The following SGCG variants were observed in gnomAD, a reference collection of about 807,000 sequenced individuals.
SGCG encodes gamma-sarcoglycan.
A neutral mutation model predicts 29.3 loss-of-function variants in SGCG; 26 were observed. That is an observed-to-expected ratio of 0.89 (90% CI 0.65 to 1.23). The LOEUF is 1.23. Among genes scored for constraint, SGCG ranks in the 50% most tolerant of loss-of-function variants. The pLI is 0.00. For missense variants in SGCG, 353 were observed against 356.0 expected, an observed-to-expected ratio of 0.99 and a Z score of 0.07; for synonymous variants, 145 against 129.7, an observed-to-expected ratio of 1.12 and a Z score of -0.80.
intron 4 of SGCG, among the ~76,000 whole-genome samples, chr13:23,277,298 G>A (rs1253272655): frequency 6.6e-6 from 1 of 151,950 alleles, no homozygotes; most frequent in African/African-American, 2.4e-5. Flanking sequence ...ATGCAAATCA[G>A]TGTTTATATA....
chr13:23,210,870 A>G (rs1878172727), intron 2 of SGCG, among the ~76,000 whole-genome samples: 1 of 152,070 alleles, frequency 6.6e-6, no homozygotes, highest in Admixed American at 6.5e-5. Flanking sequence ...AGGAAAACCA[A>G]CTCAGAAGGT....
At chr13:23,275,364 A>C (rs1423189056) in intron 4 of SGCG, among the ~76,000 whole-genome samples, 1 of 151,944 alleles carries the variant, frequency 6.6e-6, no homozygotes, top group Admixed American at 6.6e-5. Flanking sequence ...AAAATACAAA[A>C]GTCAGCCGGG....
At chr13:23,202,187 G>A (rs1222793473) in intron 1 of SGCG, among the ~76,000 whole-genome samples, 1 of 152,168 alleles carries the variant, frequency 6.6e-6, no homozygotes, top group Non-Finnish European at 1.5e-5. Context: ...GCTCATATAG[G>A]GTCTTGTGGG....
At chr13:23,288,899 A>G (rs1881599132) in intron 5 of SGCG, among the ~76,000 whole-genome samples, 1 of 152,112 alleles carries the variant, frequency 6.6e-6, no homozygotes, top group Non-Finnish European at 1.5e-5. Flanking sequence ...TCCATTTCCC[A>G]CCACTAATAA....
At chr13:23,169,111 C>G in the SGCG span, among the ~76,000 whole-genome samples, 2 of 151,728 alleles carry the variant, frequency 1.3e-5, no homozygotes, top group Non-Finnish European at 2.9e-5. Context: ...TCCTCTCTTG[C>G]AAAACCTAGT....
chr13:23,187,775 T>A (rs1877050310), intron 1 of SGCG, among the ~76,000 whole-genome samples: 1 of 152,058 alleles, frequency 6.6e-6, no homozygotes, highest in South Asian at 2.1e-4. Flanking sequence ...AGAGCTCAGG[T>A]CATGATGTGA....
chr13:23,286,223 G>T (rs554163503), intron 5 of SGCG, among the ~76,000 whole-genome samples: 1 of 152,244 alleles, frequency 6.6e-6, no homozygotes, highest in African/African-American at 2.4e-5. Flanking sequence ...ACCATTACAG[G>T]ACAGTATACA....
upstream of SGCG, among the ~76,000 whole-genome samples, chr13:23,177,003 A>T (rs35226578): frequency 0.18 from 27,308 of 152,256 alleles, 2,824 homozygotes; most frequent in East Asian, 0.26. Context: ...TGAATAAAGA[A>T]ACTGTGGTAT....
chr13:23,187,531 C>T (rs780733417), intron 1 of SGCG, among the ~76,000 whole-genome samples: 14 of 152,196 alleles, frequency 9.2e-5, no homozygotes, highest in Non-Finnish European at 1.5e-5. Flanking sequence ...GTGTGGCAGC[C>T]GGCCTTCTGT....
At chr13:23,289,534 T>G (rs1226516150) in intron 5 of SGCG, among the ~76,000 whole-genome samples, 1 of 152,212 alleles carries the variant, frequency 6.6e-6, no homozygotes, top group Non-Finnish European at 1.5e-5. Context: ...CAGCTGAAAT[T>G]TTTCTCAGAT....
intron 1 of SGCG, among the ~76,000 whole-genome samples, chr13:23,202,350 A>T (rs1430524188): frequency 6.6e-6 from 1 of 152,226 alleles, no homozygotes; most frequent in Non-Finnish European, 1.5e-5. Flanking sequence ...ACTTTTCAGC[A>T]GTGTAGTTAC....
intron 3 of SGCG, among the ~76,000 whole-genome samples, chr13:23,248,455 C>T (rs1447846466): frequency 6.6e-6 from 1 of 152,164 alleles, no homozygotes; most frequent in Non-Finnish European, 1.5e-5. Flanking sequence ...AATCCCAGAC[C>T]TTTGGGAGGT....
intron 3 of SGCG, among the ~76,000 whole-genome samples, chr13:23,239,322 G>A (rs558563452): frequency 2.9e-4 from 44 of 152,084 alleles, no homozygotes; most frequent in African/African-American, 9.9e-4. Flanking sequence ...CTGAAGCACC[G>A]ACTTTAAAGT....
At chr13:23,251,632 G>A (rs1468506434) in intron 4 of SGCG, among the ~76,000 whole-genome samples, 1 of 152,060 alleles carries the variant, frequency 6.6e-6, no homozygotes, top group Non-Finnish European at 1.5e-5. Context: ...AATTAGCCAG[G>A]TGTGGTGGTG....
rs35645325 is a variant in SGCG at position 23,278,443 on chromosome 13, CAAAA to C, written c.386-902_386-899del. Among the ~76,000 whole-genome samples, 835 of 129,582 alleles carry C rather than the reference CAAAA, an allele frequency of 6.4e-3. 6 individuals are homozygous for C. The highest frequency in any genetic ancestry group is 0.023 in the African/African-American group (699 of 30,388). The allele number at this position is 129,582 out of a possible 152,430, so 85.0% of individuals were successfully genotyped here. ...GGGCGACATGAGCGAAACTCTGTCTCAAAAAAAAAAAAAAAAAGAATATAAAGCT... is the reference window on the plus strand; with the variant it reads ...GGGCGACATGAGCGAAACTCTGTCTCAAAAAAAAAAAAAGAATATAAAGCT... On this transcript the variant is annotated intron_variant, in intron 4 of 7. Coordinates refer to ENST00000218867, the MANE Select transcript of SGCG (RefSeq NM_000231.3).
intron 3 of SGCG, among the ~76,000 whole-genome samples, chr13:23,241,039 C>T (rs1879486083): frequency 6.6e-6 from 1 of 150,376 alleles, no homozygotes; most frequent in African/African-American, 2.4e-5. Context: ...GTCCCAGCTA[C>T]TTGGGAGGCT....
At chr13:23,283,498 G>A (rs984486283) in intron 5 of SGCG, among the ~76,000 whole-genome samples, 5 of 151,976 alleles carry the variant, frequency 3.3e-5, no homozygotes, top group African/African-American at 1.2e-4. Flanking sequence ...TTTATTTTGA[G>A]CCTATGTGTG....
intron 3 of SGCG, among the ~76,000 whole-genome samples, chr13:23,243,219 T>TTTTA (rs1879575655): frequency 6.6e-6 from 1 of 152,170 alleles, no homozygotes; most frequent in South Asian, 2.1e-4. Context: ...AACAGGAAGC[T>TTTTA]GGAGGGGGCA....
At chr13:23,303,384 A>G (rs493940) in intron 6 of SGCG, among the ~76,000 whole-genome samples, 109,914 of 152,168 alleles carry the variant, frequency 0.72, 41,606 homozygotes, top group East Asian at 0.89. Flanking sequence ...CAGACACTGG[A>G]TAGCACGAAG....
Sources: allele counts gnomAD v4.1 joint callset (sites outside exome capture counted in the v4.1 genomes callset), GRCh38; gene constraint gnomAD v4.1.1; transcripts MANE v1.5; gene names NCBI Gene and HGNC (gene_info 2026-07-23, HGNC 2026-07-21).